The following TEX36 variants were observed in gnomAD, a reference collection of about 807,000 sequenced individuals.
TEX36 encodes the protein testis expressed 36.
In TEX36, 12 loss-of-function variants were observed where a neutral mutation model predicts 13.6. The ratio of observed to expected loss-of-function variants is 0.88; its 90% CI spans 0.56 to 1.43. TEX36 has a LOEUF of 1.43. Ranked by LOEUF, TEX36 falls within the 40% of genes most tolerant of loss-of-function variation. The probability of loss-of-function intolerance (pLI) is 0.00; values close to 1 mark genes in which losing one functional copy is unlikely to be tolerated. For synonymous variants in TEX36, 93 were observed against 83.0 expected, an observed-to-expected ratio of 1.12 and a Z score of -0.65; for missense variants, 224 against 228.3, an observed-to-expected ratio of 0.98 and a Z score of 0.12.
chr10:125,640,363 A>G (rs558770566), intron 3 of TEX36: 1 of 227,584 alleles, frequency 4.4e-6, no homozygotes, highest in South Asian at 1.6e-4. Flanking sequence ...CTCTCTGCGG[A>G]AATCACACGC....
chr10:125,674,973 C>A (rs1036000359), intron 1 of TEX36, among the ~76,000 whole-genome samples: 1 of 152,256 alleles, frequency 6.6e-6, no homozygotes, highest in Non-Finnish European at 1.5e-5. Context: ...GGGGGAATCT[C>A]CGCTCATCCA....
chr10:125,655,460 TGTAG>T (rs1846923506), downstream of TEX36, among the ~76,000 whole-genome samples: 2 of 152,028 alleles, frequency 1.3e-5, no homozygotes, highest in African/African-American at 4.8e-5. Flanking sequence ...AAAAAAAAGT[TGTAG>T]AATATTTTGC....
downstream of TEX36, among the ~76,000 whole-genome samples, chr10:125,619,054 CG>C (rs1846396035): frequency 6.6e-6 from 1 of 150,632 alleles, no homozygotes; most frequent in African/African-American, 2.4e-5. Context: ...GGCATGAACC[CG>C]GGAGGTGGAG....
chr10:125,641,654 G>A (rs80085011), intron 3 of TEX36, among the ~76,000 whole-genome samples: 8,255 of 152,276 alleles, frequency 0.054, 305 homozygotes, highest in South Asian at 0.18. Flanking sequence ...TGTATTTGAT[G>A]AGTAAGTTGG....
intron 3 of TEX36, among the ~76,000 whole-genome samples, chr10:125,595,605 G>A (rs1846072774): frequency 6.6e-6 from 1 of 152,038 alleles, no homozygotes; most frequent in South Asian, 2.1e-4. Context: ...GCCCTCTACT[G>A]CTGACTGTAT....
chr10:125,653,702 A>C (rs1846900660), downstream of TEX36, among the ~76,000 whole-genome samples: 1 of 152,158 alleles, frequency 6.6e-6, no homozygotes, highest in Non-Finnish European at 1.5e-5. Flanking sequence ...CTTAATATAA[A>C]AAGAAATCAG....
chr10:125,632,635 G>A (rs868138027), intron 3 of TEX36, among the ~76,000 whole-genome samples: 6 of 152,164 alleles, frequency 3.9e-5, no homozygotes, highest in Non-Finnish European at 7.3e-5. Context: ...AGGAAAGAGC[G>A]GGAGAACAAG....
intron 3 of TEX36, among the ~76,000 whole-genome samples, chr10:125,631,675 C>T (rs1846556174): frequency 6.6e-6 from 1 of 152,136 alleles, no homozygotes; most frequent in South Asian, 2.1e-4. Flanking sequence ...CTAGGTCCTC[C>T]CTTCTGGTGG....
intron 3 of TEX36, among the ~76,000 whole-genome samples, chr10:125,647,968 C>T (rs7920059): frequency 0.088 from 13,391 of 152,258 alleles, 958 homozygotes; most frequent in African/African-American, 0.19. Flanking sequence ...GGGCATCCAC[C>T]ATTGCTGAGG....
chr10:125,616,983 T>C (rs1005775652), downstream of TEX36, among the ~76,000 whole-genome samples: 15 of 152,250 alleles, frequency 9.9e-5, no homozygotes, highest in East Asian at 1.9e-4. Flanking sequence ...ATTGGGTGCA[T>C]ATGTATTTAG....
chr10:125,631,481 G>T (rs1305080025), intron 3 of TEX36, among the ~76,000 whole-genome samples: 2 of 152,184 alleles, frequency 1.3e-5, no homozygotes, highest in African/African-American at 2.4e-5. Context: ...CGCATTTTCT[G>T]AATGTGTTCT....
intron 1 of TEX36, among the ~76,000 whole-genome samples, chr10:125,679,541 A>G (rs1847363508): frequency 6.6e-6 from 1 of 152,152 alleles, no homozygotes; most frequent in Admixed American, 6.5e-5. Flanking sequence ...GAAGTTCTCC[A>G]TGGCCAGAGT....
At chr10:125,588,153 G>T (rs1845980278) in intron 3 of TEX36, among the ~76,000 whole-genome samples, 1 of 152,208 alleles carries the variant, frequency 6.6e-6, no homozygotes, top group Non-Finnish European at 1.5e-5. Context: ...ATGGGTTAAT[G>T]AGTCAAAGGG....
chr10:125,578,026 A>T (rs1176118585), intron 3 of TEX36, among the ~76,000 whole-genome samples: 2 of 152,220 alleles, frequency 1.3e-5, no homozygotes, highest in Non-Finnish European at 2.9e-5. Flanking sequence ...GTCATTAATC[A>T]CTAAATTTAT....
chr10:125,614,624 C>G (rs1482151289), intron 3 of TEX36, among the ~76,000 whole-genome samples: 1 of 151,706 alleles, frequency 6.6e-6, no homozygotes, highest in Non-Finnish European at 1.5e-5. Context: ...GGGCTCTGTT[C>G]TGTTCCATTG....
At chr10:125,650,551 A>C (rs1278061117) in intron 3 of TEX36, among the ~76,000 whole-genome samples, 2 of 152,246 alleles carry the variant, frequency 1.3e-5, no homozygotes, top group Non-Finnish European at 2.9e-5. Context: ...AGCAGGAAAG[A>C]TCTAAAATCG....
chr10:125,683,096 G>A lies in TEX36; in HGVS notation c.-107C>T, dbSNP rs1847423065. 1 of 1,265,688 alleles carries A rather than the reference G, an allele frequency of 7.9e-7. No homozygotes were observed. 78.4% of individuals were successfully genotyped at this position (1,265,688 alleles called of 1,614,324 possible). A position where few individuals can be genotyped will look rare whatever the true frequency, so the allele number is the denominator to read the frequency against. On this transcript the variant is annotated 5_prime_UTR_variant, in exon 1 of 4. Transcript: ENST00000368821. ...AACTTCATAAGCTCTACACGTCTGG[G>A]AAGCTCCTCCTCCTCCTTGTTCCTG...
At chr10:125,662,960 CAGGACTCTCT>C (rs1847070536) in intron 1 of TEX36, among the ~76,000 whole-genome samples, 1 of 152,282 alleles carries the variant, frequency 6.6e-6, no homozygotes, top group East Asian at 1.9e-4. Flanking sequence ...AGCTCTGAAG[CAGGACTCTCT>C]AGGAGGAAAT....
intron 1 of TEX36, among the ~76,000 whole-genome samples, chr10:125,663,669 A>G (rs969539442): frequency 1.3e-5 from 2 of 152,146 alleles, no homozygotes; most frequent in African/African-American, 2.4e-5. Context: ...GCATGTTTTC[A>G]TATGCCTGTT....
Sources: allele counts gnomAD v4.1 joint callset (sites outside exome capture counted in the v4.1 genomes callset), GRCh38; gene constraint gnomAD v4.1.1; transcripts MANE v1.5; gene names NCBI Gene and HGNC (gene_info 2026-07-23, HGNC 2026-07-21).